Variants in SDK1 observed in about 807,000 individuals in gnomAD.
SDK1 encodes the protein protein sidekick-1.
Under a neutral mutation model 245.5 loss-of-function variants are expected in SDK1, and 157 were observed. That is an observed-to-expected ratio of 0.64 (90% confidence interval 0.56 to 0.73). The LOEUF (loss-of-function observed/expected upper bound fraction) is 0.73, where lower values mean the gene tolerates loss of function less well. SDK1 is among the 30% of genes least tolerant of loss of function. The pLI, the probability that SDK1 is intolerant of heterozygous loss-of-function variation, is 0.00. For missense variants in SDK1, 3,583 were observed against 3,002.3 expected (o/e 1.19, Z -4.52); for synonymous variants, 1,647 against 1,278.5 (o/e 1.29, Z -6.15).
chr7:3,480,275 T>A (rs184007203), intron 1 of SDK1, among the ~76,000 whole-genome samples: 28 of 152,264 alleles, frequency 1.8e-4, no homozygotes, highest in African/African-American at 6.5e-4. Flanking sequence ...AAGCTAGCGG[T>A]ATCAACACAG....
At chr7:3,492,850 C>G (rs1360827936) in intron 1 of SDK1, among the ~76,000 whole-genome samples, 1 of 152,222 alleles carries the variant, frequency 6.6e-6, no homozygotes, top group Non-Finnish European at 1.5e-5. Context: ...TGACTAATGA[C>G]TAAAATTTTG....
intron 5 of SDK1, among the ~76,000 whole-genome samples, chr7:3,839,154 C>G (rs1378054198): frequency 1.3e-5 from 2 of 152,212 alleles, no homozygotes; most frequent in African/African-American, 2.4e-5. Flanking sequence ...TCTTCCCTCT[C>G]AGCTGTCCTT....
intron 1 of SDK1, among the ~76,000 whole-genome samples, chr7:3,333,837 C>T (rs1482593660): frequency 1.3e-5 from 2 of 152,166 alleles, no homozygotes; most frequent in African/African-American, 4.8e-5. Flanking sequence ...AGAAACGCTC[C>T]TAGCAGGTTG....
intron 1 of SDK1, among the ~76,000 whole-genome samples, chr7:3,351,575 A>G (rs1191968150): frequency 6.6e-6 from 1 of 152,212 alleles, no homozygotes. Flanking sequence ...AAGATACAGA[A>G]GGCAAAATAA....
intron 35 of SDK1, among the ~76,000 whole-genome samples, chr7:4,191,012 TCTG>T (rs1783172339): frequency 6.6e-6 from 1 of 152,192 alleles, no homozygotes; most frequent in South Asian, 2.1e-4. Context: ...CCTCTACACT[TCTG>T]CTGGGGTGAC....
chr7:3,688,521 C>A (rs1005270763), intron 4 of SDK1, among the ~76,000 whole-genome samples: 2 of 152,216 alleles, frequency 1.3e-5, no homozygotes, highest in Non-Finnish European at 2.9e-5. Flanking sequence ...GCCAGCTTTG[C>A]TGCCGTTGTT....
intron 13 of SDK1, among the ~76,000 whole-genome samples, chr7:3,980,522 T>C (rs1298073272): frequency 1.3e-5 from 2 of 152,234 alleles, no homozygotes; most frequent in African/African-American, 4.8e-5. Context: ...TTCGACGCAA[T>C]CTATCCCCAT....
chr7:4,265,454 C>T lies in SDK1; in HGVS notation c.*70C>T. On this transcript the variant is annotated 3_prime_UTR_variant, in exon 45 of 45. Transcript: ENST00000404826. The stretch of plus-strand genomic sequence containing the variant: ...CGGAGTCTATTTTTGTTAAGACAAT[C>T]AACTCCAATAACTGAGCTGAAGTTT... The T allele has an allele frequency of 7.2e-7, 1 of 1,392,986 alleles. No homozygotes were observed. Among genetic ancestry groups the T allele is most frequent in the Non-Finnish European group, 9.2e-7 (1 of 1,081,544 alleles). The allele number at this position is 1,392,986 out of a possible 1,614,324, so 86.3% of individuals were successfully genotyped here. A position where few individuals can be genotyped will look rare whatever the true frequency, so the allele number is the denominator to read the frequency against.
chr7:3,390,268 G>A (rs557478370), intron 1 of SDK1, among the ~76,000 whole-genome samples: 7 of 152,052 alleles, frequency 4.6e-5, no homozygotes, highest in Non-Finnish European at 8.8e-5. Context: ...TGAATAGCAG[G>A]GTTGTAGAGA....
At chr7:3,537,953 C>T (rs1778935865) in intron 1 of SDK1, among the ~76,000 whole-genome samples, 1 of 152,198 alleles carries the variant, frequency 6.6e-6, no homozygotes, top group African/African-American at 2.4e-5. Context: ...TCCAGTGCTC[C>T]TCCAGGGTGG....
chr7:4,169,585 C>A (rs992858203), intron 32 of SDK1, among the ~76,000 whole-genome samples: 2 of 152,230 alleles, frequency 1.3e-5, no homozygotes, highest in Non-Finnish European at 2.9e-5. Flanking sequence ...CTTCCTCACT[C>A]AGTCTCTGGC....
chr7:3,732,803 T>G (rs1315851136), intron 4 of SDK1, among the ~76,000 whole-genome samples: 1 of 152,244 alleles, frequency 6.6e-6, no homozygotes, highest in Non-Finnish European at 1.5e-5. Context: ...TGTGAGGCAG[T>G]TCAAGGCTTT....
chr7:4,147,660 C>A (rs532366448), intron 29 of SDK1, among the ~76,000 whole-genome samples: 6 of 152,064 alleles, frequency 3.9e-5, no homozygotes, highest in African/African-American at 1.4e-4. Flanking sequence ...AGCCCTCAGT[C>A]GCCACAGACA....
chr7:3,764,260 G>A (rs1780186904), intron 4 of SDK1, among the ~76,000 whole-genome samples: 1 of 152,142 alleles, frequency 6.6e-6, no homozygotes, highest in Admixed American at 6.6e-5. Flanking sequence ...ATGAGCTGAG[G>A]AAAGAATGAA....
At chr7:3,901,767 C>A (rs1781798585) in intron 5 of SDK1, among the ~76,000 whole-genome samples, 1 of 152,194 alleles carries the variant, frequency 6.6e-6, no homozygotes, top group Non-Finnish European at 1.5e-5. Context: ...TTCTACCATC[C>A]TTTGTGTGTT....
intron 5 of SDK1, among the ~76,000 whole-genome samples, chr7:3,850,107 G>A (rs1028823012): frequency 2.6e-5 from 4 of 152,172 alleles, no homozygotes; most frequent in African/African-American, 9.7e-5. Flanking sequence ...CCACATTGCT[G>A]TCCTGTGACA....
intron 4 of SDK1, among the ~76,000 whole-genome samples, chr7:3,747,284 A>G (rs997360570): frequency 6.6e-6 from 1 of 152,222 alleles, no homozygotes; most frequent in Non-Finnish European, 1.5e-5. Context: ...AGTTTCTACT[A>G]CCCAATAGGC....
At chr7:4,160,657 A>G (rs191270498) in intron 31 of SDK1, among the ~76,000 whole-genome samples, 15 of 152,164 alleles carry the variant, frequency 9.9e-5, no homozygotes, top group East Asian at 7.7e-4. Flanking sequence ...AGTGATTTCT[A>G]TTTCCCTGCA....
At chr7:4,154,669 C>T (rs909734209) in intron 30 of SDK1, among the ~76,000 whole-genome samples, 20 of 152,188 alleles carry the variant, frequency 1.3e-4, no homozygotes, top group Admixed American at 7.9e-4. Context: ...ATTTTCACGA[C>T]AGCCCTGGAA....
Sources: allele counts gnomAD v4.1 joint callset (sites outside exome capture counted in the v4.1 genomes callset), GRCh38; gene constraint gnomAD v4.1.1; transcripts MANE v1.5; gene names NCBI Gene and HGNC (gene_info 2026-07-23, HGNC 2026-07-21).